Variants in SLC24A3 observed in about 807,000 individuals in gnomAD.
SLC24A3 encodes the protein sodium/potassium/calcium exchanger 3.
Under a neutral mutation model 75.8 loss-of-function variants are expected in SLC24A3, and 28 were observed. The observed-to-expected ratio is 0.37, with a 90% CI of 0.27 to 0.51. The LOEUF is 0.51. Ranked by LOEUF, SLC24A3 falls within the 20% of genes least tolerant of loss-of-function variation. SLC24A3 has a pLI of 0.94. For synonymous variants in SLC24A3, 372 were observed against 334.1 expected, an observed-to-expected ratio of 1.11 and a Z score of -1.24; for missense variants, 663 against 847.8, an observed-to-expected ratio of 0.78 and a Z score of 2.71.
chr20:19,608,174 G>T (rs536756948), intron 6 of SLC24A3, among the ~76,000 whole-genome samples: 1 of 152,266 alleles, frequency 6.6e-6, no homozygotes, highest in South Asian at 2.1e-4. Context: ...GCAATCTTTC[G>T]GTTTTATCTT....
intron 2 of SLC24A3, among the ~76,000 whole-genome samples, chr20:19,398,531 A>G (rs1038894131): frequency 5.9e-5 from 9 of 152,276 alleles, no homozygotes; most frequent in African/African-American, 2.2e-4. Context: ...TTGATTTTGT[A>G]TCTTGCAACC....
rs779657209 is a variant in SLC24A3 at position 19,673,572 on chromosome 20, G to C, written c.714-29G>C. 13 of 1,605,762 alleles carry C rather than the reference G, an allele frequency of 8.1e-6. No homozygotes were observed. The South Asian group carries it at 8.8e-5, about 11-fold the overall frequency. ...GTGAGTTTCACAGATGTCCATGACT[G>C]TCTTTAACTGTTCTTGGTTTACACA... On this transcript the variant is annotated intron_variant, in intron 8 of 16. Transcript: ENST00000328041.
At chr20:19,558,292 G>C (rs1600279952) in intron 3 of SLC24A3, among the ~76,000 whole-genome samples, 1 of 151,426 alleles carries the variant, frequency 6.6e-6, no homozygotes, top group Non-Finnish European at 1.5e-5. Context: ...CCCAGGCTGG[G>C]GTGCAGTGGT....
chr20:19,502,546 A>G (rs752599629), intron 2 of SLC24A3, among the ~76,000 whole-genome samples: 1 of 152,050 alleles, frequency 6.6e-6, no homozygotes, highest in Non-Finnish European at 1.5e-5. Context: ...TAAAATTACC[A>G]CAAATGATGA....
chr20:19,356,594 G>T (rs1017087820), intron 2 of SLC24A3, among the ~76,000 whole-genome samples: 2 of 152,150 alleles, frequency 1.3e-5, no homozygotes, highest in African/African-American at 4.8e-5. Context: ...TTTTGTTGTT[G>T]ATTGACATTT....
chr20:19,307,478 C>G (rs1283368082), intron 2 of SLC24A3, among the ~76,000 whole-genome samples: 1 of 152,152 alleles, frequency 6.6e-6, no homozygotes, highest in East Asian at 1.9e-4. Flanking sequence ...AAGTGTCTTT[C>G]ATCCTCAGCA....
At chr20:19,376,297 A>G (rs949827752) in intron 2 of SLC24A3, among the ~76,000 whole-genome samples, 5 of 152,228 alleles carry the variant, frequency 3.3e-5, no homozygotes, top group African/African-American at 7.2e-5. Flanking sequence ...GCCACATTCA[A>G]TAAGAACCCA....
intron 2 of SLC24A3, among the ~76,000 whole-genome samples, chr20:19,384,423 T>C (rs1464440565): frequency 6.6e-6 from 1 of 152,226 alleles, no homozygotes; most frequent in Non-Finnish European, 1.5e-5. Flanking sequence ...AGTCATATCA[T>C]TTGGGTTTGT....
At chr20:19,454,346 A>AT (rs1477431834) in intron 2 of SLC24A3, among the ~76,000 whole-genome samples, 4 of 152,170 alleles carry the variant, frequency 2.6e-5, no homozygotes, top group Non-Finnish European at 5.9e-5. Flanking sequence ...TTATTTCCTG[A>AT]TTTTTGATAG....
chr20:19,364,996 A>T (rs1985862613), intron 2 of SLC24A3, among the ~76,000 whole-genome samples: 1 of 152,146 alleles, frequency 6.6e-6, no homozygotes, highest in Non-Finnish European at 1.5e-5. Flanking sequence ...CTCCATGTGG[A>T]CCACAGAGAG....
intron 2 of SLC24A3, among the ~76,000 whole-genome samples, chr20:19,367,353 T>A (rs978310555): frequency 2.6e-5 from 4 of 152,182 alleles, no homozygotes; most frequent in Non-Finnish European, 4.4e-5. Context: ...GAAAAGACAA[T>A]TGTTTGGCAA....
At chr20:19,427,212 C>T (rs1052123005) in intron 2 of SLC24A3, among the ~76,000 whole-genome samples, 23 of 151,956 alleles carry the variant, frequency 1.5e-4, no homozygotes, top group African/African-American at 5.3e-4. Context: ...CCTGGAACAC[C>T]AGGTGAGGTG....
rs558530817 is a variant in SLC24A3, at chr20:19,505,305, G to A, written c.272-10183G>A. ...TTCAGGAGTGAGGTAGTTCCATAAT[G>A]CTATCTAGATTGCAAATCCACCGCA... On this transcript the variant is annotated intron_variant, in intron 2 of 16. Coordinates refer to ENST00000328041, the MANE Select transcript of SLC24A3 (RefSeq NM_020689.4). Among the ~76,000 whole-genome samples, 7 of 152,312 alleles carry A rather than the reference G, an allele frequency of 4.6e-5. No individual in the cohort carries two copies. The South Asian group carries it at 1.2e-3, about 27-fold the overall frequency.
intron 2 of SLC24A3, among the ~76,000 whole-genome samples, chr20:19,466,160 T>C (rs1987762393): frequency 6.6e-6 from 1 of 152,256 alleles, no homozygotes; most frequent in Non-Finnish European, 1.5e-5. Flanking sequence ...TTCTTGAATG[T>C]AGGAGTCTAA....
At chr20:19,328,216 G>A (rs968448843) in intron 2 of SLC24A3, among the ~76,000 whole-genome samples, 1 of 152,072 alleles carries the variant, frequency 6.6e-6, no homozygotes, top group Non-Finnish European at 1.5e-5. Flanking sequence ...GGAGCAGAAT[G>A]AGGGAGGAGG....
At chr20:19,217,474 A>G (rs899998304) in intron 1 of SLC24A3, among the ~76,000 whole-genome samples, 4 of 152,222 alleles carry the variant, frequency 2.6e-5, no homozygotes, top group African/African-American at 9.6e-5. Context: ...TGCATATATT[A>G]TCTTTGAAAT....
At chr20:19,608,361 C>T (rs1421022227) in intron 6 of SLC24A3, among the ~76,000 whole-genome samples, 1 of 152,040 alleles carries the variant, frequency 6.6e-6, no homozygotes, top group Non-Finnish European at 1.5e-5. Context: ...TATTAAAGAC[C>T]ACAAGAAATG....
intron 6 of SLC24A3, among the ~76,000 whole-genome samples, chr20:19,602,707 C>T (rs2031542703): frequency 6.6e-6 from 1 of 152,218 alleles, no homozygotes; most frequent in Admixed American, 6.5e-5. Flanking sequence ...CAAGCATCAA[C>T]ATCTAAAGGA....
chr20:19,570,232 A>T (rs2031031693), intron 3 of SLC24A3, among the ~76,000 whole-genome samples: 2 of 152,122 alleles, frequency 1.3e-5, no homozygotes, highest in African/African-American at 2.4e-5. Flanking sequence ...ACACTTTTTA[A>T]CAAGCAGATC....
Sources: allele counts gnomAD v4.1 joint callset (sites outside exome capture counted in the v4.1 genomes callset), GRCh38; gene constraint gnomAD v4.1.1; transcripts MANE v1.5; gene names NCBI Gene and HGNC (gene_info 2026-07-23, HGNC 2026-07-21).